PLCL1: variants seen among roughly 807,000 people sequenced by gnomAD.
The protein encoded by PLCL1 is inactive phospholipase C-like protein 1.
Under a neutral mutation model 84.4 loss-of-function variants are expected in PLCL1, and 41 were observed. The observed-to-expected ratio is 0.49, with a 90% CI of 0.38 to 0.63. PLCL1 has a LOEUF of 0.63. Among genes scored for constraint, PLCL1 ranks in the 30% least tolerant of loss-of-function variants. The pLI is 0.00. For missense variants in PLCL1, 1,206 were observed against 1,367.8 expected (o/e 0.88, Z 1.87); for synonymous variants, 490 against 488.3 (o/e 1.00, Z -0.05).
chr2:197,830,366 G>A (rs754239882), intron 1 of PLCL1, among the ~76,000 whole-genome samples: 2 of 151,694 alleles, frequency 1.3e-5, no homozygotes, highest in Non-Finnish European at 2.9e-5. Flanking sequence ...CGAGAACTTC[G>A]TGAAACATAC....
At chr2:197,947,237 A>AATATATATATATATATATATATAT (rs55700681) in intron 1 of PLCL1, among the ~76,000 whole-genome samples, 71 of 142,698 alleles carry the variant, frequency 5.0e-4, no homozygotes, top group African/African-American at 1.2e-3. Context: ...TGCTTAGATA[A>AATATATATATATATATATATATAT]ATATATATAT....
chr2:197,888,930 A>G (rs1254652919), intron 1 of PLCL1, among the ~76,000 whole-genome samples: 3 of 152,224 alleles, frequency 2.0e-5, no homozygotes, highest in African/African-American at 7.2e-5. Context: ...AATTAATTAT[A>G]TTAAAATGAT....
chr2:197,848,926 C>G (rs1464738402), intron 1 of PLCL1, among the ~76,000 whole-genome samples: 1 of 152,104 alleles, frequency 6.6e-6, no homozygotes, highest in Admixed American at 6.5e-5. Flanking sequence ...ATGGACCCTG[C>G]AGTCAACCTG....
In PLCL1 at chr2:197,990,059, A is replaced by C. The variant is rs1574228681; in HGVS notation, c.241-93699A>C. On this transcript the variant is annotated intron_variant, in intron 1 of 5. Coordinates refer to ENST00000428675, the MANE Select transcript of PLCL1 (RefSeq NM_006226.4). ...GTTCCTGTATAGGCCTATGGAAGTCACCTTATATTGGAGTCTTTATAGAGT... is the reference window on the plus strand; with the variant it reads ...GTTCCTGTATAGGCCTATGGAAGTCCCCTTATATTGGAGTCTTTATAGAGT... Among the ~76,000 whole-genome samples, 4 of 152,274 alleles carry C rather than the reference A, an allele frequency of 2.6e-5. No individual in the cohort carries two copies. In the South Asian group the frequency reaches 8.3e-4, roughly 32 times the overall value.
At chr2:198,069,050 A>G (rs1340412024) in intron 1 of PLCL1, among the ~76,000 whole-genome samples, 2 of 151,956 alleles carry the variant, frequency 1.3e-5, no homozygotes, top group African/African-American at 4.8e-5. Flanking sequence ...AAATAAAATA[A>G]AATAAAAATA....
chr2:198,105,233 T>G (rs1465737056), intron 5 of PLCL1, among the ~76,000 whole-genome samples: 1 of 152,030 alleles, frequency 6.6e-6, no homozygotes, highest in Non-Finnish European at 1.5e-5. Flanking sequence ...CTTCTGCACA[T>G]GACTAGCTAG....
At chr2:197,940,984 T>TA (rs1689147149) in intron 1 of PLCL1, among the ~76,000 whole-genome samples, 1 of 152,174 alleles carries the variant, frequency 6.6e-6, no homozygotes, top group African/African-American at 2.4e-5. Context: ...TAATATCTGA[T>TA]ACAGATACTT....
chr2:198,136,168 G>A (rs1694250392), intron 5 of PLCL1, among the ~76,000 whole-genome samples: 1 of 152,020 alleles, frequency 6.6e-6, no homozygotes, highest in African/African-American at 2.4e-5. Context: ...AAAGGACAGT[G>A]GACTTATCTA....
At chr2:197,940,353 ATTAAG>A (rs1468564580) in intron 1 of PLCL1, among the ~76,000 whole-genome samples, 3 of 152,218 alleles carry the variant, frequency 2.0e-5, no homozygotes, top group African/African-American at 7.2e-5. Flanking sequence ...CACTTTAATG[ATTAAG>A]TTGACTAAAG....
intron 1 of PLCL1, among the ~76,000 whole-genome samples, chr2:197,933,745 T>C (rs921308697): frequency 1.3e-5 from 2 of 152,160 alleles, no homozygotes; most frequent in South Asian, 4.1e-4. Flanking sequence ...CTTGATGTGA[T>C]ACAGTACAGA....
chr2:198,094,351 G>A (rs762040206), intron 3 of PLCL1, among the ~76,000 whole-genome samples: 10 of 152,108 alleles, frequency 6.6e-5, no homozygotes, highest in South Asian at 4.1e-4. Context: ...GTGAGCCACC[G>A]TGCCCAGCCT....
chr2:197,939,393 T>G (rs995273845), intron 1 of PLCL1, among the ~76,000 whole-genome samples: 17 of 152,176 alleles, frequency 1.1e-4, no homozygotes, highest in African/African-American at 4.1e-4. Context: ...TTGTTTTCCA[T>G]GGCTGCCATA....
At chr2:198,042,279 C>T (rs545658250) in intron 1 of PLCL1, among the ~76,000 whole-genome samples, 1 of 152,338 alleles carries the variant, frequency 6.6e-6, no homozygotes, top group Admixed American at 6.5e-5. Flanking sequence ...ACACCAACAG[C>T]TGTCTACCTC....
At chr2:197,926,997 G>A (rs529205677) in intron 1 of PLCL1, among the ~76,000 whole-genome samples, 15 of 152,274 alleles carry the variant, frequency 9.9e-5, no homozygotes, top group South Asian at 2.1e-4. Flanking sequence ...GTGCCTACAC[G>A]TTGCTTCTTC....
intron 1 of PLCL1, among the ~76,000 whole-genome samples, chr2:197,959,591 A>G (rs1043267151): frequency 6.6e-6 from 1 of 152,104 alleles, no homozygotes; most frequent in African/African-American, 2.4e-5. Flanking sequence ...CAAAGTGGTG[A>G]CCAGTGGAAC....
At chr2:198,003,312 A>G (rs890500904) in intron 1 of PLCL1, among the ~76,000 whole-genome samples, 1 of 152,214 alleles carries the variant, frequency 6.6e-6, no homozygotes, top group Admixed American at 6.5e-5. Context: ...TGGTTGAACT[A>G]GTGCTAGGCA....
chr2:198,048,512 T>A (rs74794504), intron 1 of PLCL1, among the ~76,000 whole-genome samples: 3,602 of 152,296 alleles, frequency 0.024, 137 homozygotes, highest in African/African-American at 0.079. Context: ...GGCACCAGCA[T>A]CTGCTTCTGG....
At chr2:197,887,830 G>C (rs1687949569) in intron 1 of PLCL1, among the ~76,000 whole-genome samples, 1 of 152,130 alleles carries the variant, frequency 6.6e-6, no homozygotes, top group South Asian at 2.1e-4. Context: ...TAGGGAAAAG[G>C]CCTGGCTCAG....
intron 1 of PLCL1, among the ~76,000 whole-genome samples, chr2:197,827,494 A>C (rs953503559): frequency 1.2e-4 from 18 of 152,120 alleles, no homozygotes; most frequent in Admixed American, 2.0e-4. Flanking sequence ...TGTTTTTAGG[A>C]GCATTAAACA....
Sources: gnomAD v4.1 joint callset for allele counts (sites outside exome capture counted in the v4.1 genomes callset) on GRCh38, gnomAD v4.1.1 for gene constraint, MANE v1.5 for transcripts, NCBI Gene and HGNC (gene_info 2026-07-23, HGNC 2026-07-21) for gene names.